The following PDE4D variants were observed in gnomAD, a reference collection of about 807,000 sequenced individuals.
PDE4D encodes 3',5'-cyclic-AMP phosphodiesterase 4D.
PDE4D carries 24 observed loss-of-function variants against 87.4 expected under a neutral mutation model. The observed-to-expected ratio is 0.27, with a 90% CI of 0.20 to 0.39. The LOEUF is 0.39. Ranked by LOEUF, PDE4D falls within the 10% of genes least tolerant of loss-of-function variation. PDE4D has a pLI of 1.00. For missense variants in PDE4D, 714 were observed against 1,041.0 expected, an observed-to-expected ratio of 0.69 and a Z score of 4.32; for synonymous variants, 384 against 383.2, an observed-to-expected ratio of 1.00 and a Z score of -0.02.
chr5:60,320,079 G>T (rs1385023181), intron 1 of PDE4D, among the ~76,000 whole-genome samples: 1 of 152,354 alleles, frequency 6.6e-6, no homozygotes, highest in East Asian at 1.9e-4. Flanking sequence ...TGCCCCCAGA[G>T]GTGTAGTCTA....
chr5:59,267,119 G>A (rs1762977461), intron 1 of PDE4D, among the ~76,000 whole-genome samples: 1 of 152,040 alleles, frequency 6.6e-6, no homozygotes, highest in African/African-American at 2.4e-5. Context: ...TGATCTAGCT[G>A]CCAATCAGTT....
intron 1 of PDE4D, among the ~76,000 whole-genome samples, chr5:59,551,108 T>C (rs1326824081): frequency 6.6e-6 from 1 of 152,120 alleles, no homozygotes; most frequent in Non-Finnish European, 1.5e-5. Flanking sequence ...TTTTGATGTG[T>C]AGAAAAATTT....
intron 1 of PDE4D, among the ~76,000 whole-genome samples, chr5:59,695,168 AT>A (rs1192896885): frequency 6.6e-6 from 1 of 151,338 alleles, no homozygotes; most frequent in Non-Finnish European, 1.5e-5. Context: ...GAACCCAAAC[AT>A]CCGGGCTTCA....
At position 59,893,294 on chromosome 5, in the gene PDE4D, G is replaced by T; in HGVS notation, c.329C>A (p.Ser110Ter). ...ACAGTACAGGTAGCGCTCGGTGTCC[G>T]AGTAGCCGCGATGCCGGACGCGGCC... ...ATGRVRHRGY[S>*]DTERYLYCRA... The change falls in exon 1 of 15, where the codon TCG (serine) becomes TAG (stop). Residue 110 changes from serine (S) to a stop codon, truncating the protein, a stop_gained. Coordinates refer to ENST00000340635, the MANE Select transcript of PDE4D (RefSeq NM_001104631.2). LOFTEE classifies it high-confidence loss of function. 6.5e-7 allele frequency: 1 copy of T among 1,537,170 alleles called. No individual in the cohort carries two copies.
chr5:59,026,158 A>G (rs1756196280), intron 6 of PDE4D, among the ~76,000 whole-genome samples: 1 of 152,268 alleles, frequency 6.6e-6, no homozygotes, highest in Admixed American at 6.5e-5. Flanking sequence ...GAGATGAGAA[A>G]GAGCAGTTTA....
At chr5:59,836,699 ATCTG>A (rs1002114719) in intron 1 of PDE4D, among the ~76,000 whole-genome samples, 9 of 151,834 alleles carry the variant, frequency 5.9e-5, no homozygotes, top group Non-Finnish European at 1.0e-4. Context: ...CTATCTATGT[ATCTG>A]TCTATCTATC....
chr5:60,498,381 G>A (rs535705348), intron 1 of PDE4D, among the ~76,000 whole-genome samples: 2 of 152,178 alleles, frequency 1.3e-5, no homozygotes, highest in Non-Finnish European at 2.9e-5. Context: ...CCTTGCCAAA[G>A]GTGAATCCGA....
At chr5:59,665,302 T>A (rs1436005762) in intron 1 of PDE4D, among the ~76,000 whole-genome samples, 1 of 152,180 alleles carries the variant, frequency 6.6e-6, no homozygotes, top group East Asian at 1.9e-4. Context: ...GTTGCTGGAG[T>A]AAGGTTACAA....
intron 1 of PDE4D, among the ~76,000 whole-genome samples, chr5:59,625,009 G>A (rs1241239738): frequency 6.6e-6 from 1 of 152,076 alleles, no homozygotes. Context: ...CCTCAGCCCT[G>A]GTGTTACTCC....
intron 2 of PDE4D, among the ~76,000 whole-genome samples, chr5:59,997,244 C>T (rs551472576): frequency 1.3e-5 from 2 of 152,038 alleles, no homozygotes; most frequent in South Asian, 4.2e-4. Context: ...TAATAGAATC[C>T]CAAGTGTAGA....
At position 60,209,195 on chromosome 5, in the gene PDE4D, T is replaced by C. The variant is rs981178226; in HGVS notation, c.-89-23508A>G. On this transcript the variant is annotated intron_variant, in intron 1 of 16. Transcript: ENST00000502484. ...GTATTTTTTCTTTTTTTCTTTTTTT[T>C]TTTTTTTTTTTTTTAGTGTTAATGA... 3.6e-4 allele frequency among the ~76,000 whole-genome samples: 53 copies of C among 148,332 alleles called. 1 individual carries two copies. Among genetic ancestry groups the C allele is most frequent in the Admixed American group, 2.2e-3 (33 of 14,968 alleles).
chr5:60,361,851 C>T (rs191267768), intron 1 of PDE4D, among the ~76,000 whole-genome samples: 1 of 152,124 alleles, frequency 6.6e-6, no homozygotes, highest in Admixed American at 6.6e-5. Flanking sequence ...ACATCACAGT[C>T]GCACATCTTA....
In PDE4D at chr5:60,181,421, T is replaced by TA. The variant is rs1784366883; in HGVS notation, c.42+4135dup. ...ACTGACAGCCTATTTAGGTGGGCTT[T>TA]AAATTCATTATGAAAGAATGTGCCA... On this transcript the variant is annotated intron_variant, in intron 2 of 16. Coordinates refer to the PDE4D transcript ENST00000502484. Among the ~76,000 whole-genome samples the TA allele has an allele frequency of 2.0e-5, 3 of 152,316 alleles. No homozygotes were observed. The South Asian group carries it at 6.2e-4, about 32-fold the overall frequency.
At chr5:59,597,974 T>C (rs115984288) in intron 1 of PDE4D, among the ~76,000 whole-genome samples, 2,513 of 152,150 alleles carry the variant, frequency 0.017, 35 homozygotes, top group Non-Finnish European at 0.026. Flanking sequence ...ATTCCATTCC[T>C]AAAAAAATCG....
At chr5:59,380,185 G>A (rs1230232856) in intron 1 of PDE4D, among the ~76,000 whole-genome samples, 1 of 151,904 alleles carries the variant, frequency 6.6e-6, no homozygotes, top group Admixed American at 6.6e-5. Flanking sequence ...TAAATCATAT[G>A]CATAAATAAC....
At chr5:59,519,644 T>C (rs569143945) in intron 1 of PDE4D, among the ~76,000 whole-genome samples, 7 of 152,284 alleles carry the variant, frequency 4.6e-5, no homozygotes, top group African/African-American at 1.4e-4. Context: ...TTAACAGACA[T>C]AGCAAGAATT....
chr5:59,322,748 G>A (rs1774937917), intron 1 of PDE4D, among the ~76,000 whole-genome samples: 1 of 152,074 alleles, frequency 6.6e-6, no homozygotes, highest in Non-Finnish European at 1.5e-5. Flanking sequence ...GCCTTACAAA[G>A]TATTGAACAT....
Position 60,253,285 on chromosome 5 carries a change from C to T in PDE4D, c.-89-67598G>A, listed in dbSNP as rs558862341. Among the ~76,000 whole-genome samples the T allele has an allele frequency of 2.6e-5, 4 of 152,054 alleles. No homozygotes were observed. The East Asian group carries it at 7.8e-4, about 30-fold the overall frequency. ...GCGTTTTTATTTTTAGATGTTTTCT[C>T]TCTTGACATAGGGTTCCACAAATAT... On this transcript the variant is annotated intron_variant, in intron 1 of 16. Coordinates refer to the PDE4D transcript ENST00000502484.
chr5:60,274,834 T>A (rs1232976706), intron 1 of PDE4D, among the ~76,000 whole-genome samples: 1 of 152,230 alleles, frequency 6.6e-6, no homozygotes, highest in Admixed American at 6.5e-5. Context: ...GAAAATTTTT[T>A]AAAATGCAAA....
Sources: allele counts gnomAD v4.1 joint callset (sites outside exome capture counted in the v4.1 genomes callset), GRCh38; gene constraint gnomAD v4.1.1; transcripts MANE v1.5; gene names NCBI Gene and HGNC (gene_info 2026-07-23, HGNC 2026-07-21).